The following ECHS1 variants were observed in gnomAD, a reference collection of about 807,000 sequenced individuals.
The protein encoded by ECHS1 is enoyl-CoA hydratase, short chain 1.
A neutral mutation model predicts 33.5 loss-of-function variants in ECHS1; 19 were observed. The ratio of observed to expected loss-of-function variants is 0.57; its 90% confidence interval spans 0.40 to 0.83. The LOEUF is 0.83. Among genes scored for constraint, ECHS1 ranks in the 40% least tolerant of loss-of-function variants. The probability of loss-of-function intolerance (pLI) is 0.00; values close to 1 mark genes in which losing one functional copy is unlikely to be tolerated. For synonymous variants in ECHS1, 158 were observed against 146.6 expected (o/e 1.08, Z -0.56); for missense variants, 365 against 381.3 (o/e 0.96, Z 0.36).
intron 7 of ECHS1, 143 bp from the exon 8 acceptor site, chr10:133,363,076 G>C (rs1457869109): frequency 2.3e-6 from 2 of 881,762 alleles, no homozygotes; most frequent in Non-Finnish European, 3.6e-6. Context: ...TCAGCGGCAG[G>C]AACACCTGCC....
At chr10:133,366,119 G>A (rs570498776) in intron 5 of ECHS1, 24 bp from the exon 6 acceptor site, 56 of 1,610,066 alleles carry the variant, frequency 3.5e-5, no homozygotes, top group Non-Finnish European at 4.8e-5. Flanking sequence ...AAGTCAGTGA[G>A]TGATGTGCAG....
chr10:133,367,540 G>GGA (rs1482336898), intron 4 of ECHS1, among the ~76,000 whole-genome samples: 2 of 151,632 alleles, frequency 1.3e-5, no homozygotes, highest in East Asian at 3.9e-4. Flanking sequence ...CCAGTGTCTG[G>GGA]GAAGGCAACC....
chr10:133,362,745 A>T lies in ECHS1; in HGVS notation c.*123T>A. ...GAGGTCGGGCCACGACCACGCAGCA[A>T]TTGGAGAGGAACTGCACACCACGGA... On this transcript the variant is annotated 3_prime_UTR_variant, in exon 8 of 8. Transcript: ENST00000368547. The T allele has an allele frequency of 8.8e-7, 1 of 1,136,390 alleles. No homozygotes were observed. Among genetic ancestry groups the T allele is most frequent in the Non-Finnish European group, 1.3e-6 (1 of 754,250 alleles). 70.4% of individuals were successfully genotyped at this position (1,136,390 alleles called of 1,614,324 possible).
chr10:133,366,485 C>T (rs1014450736), intron 5 of ECHS1, among the ~76,000 whole-genome samples: 3 of 152,266 alleles, frequency 2.0e-5, no homozygotes, highest in African/African-American at 2.4e-5. Flanking sequence ...GGTTCACTTC[C>T]GTACATACAG....
intron 4 of ECHS1, 52 bp downstream of exon 4, chr10:133,368,871 A>G (rs1484391126): frequency 1.9e-6 from 3 of 1,555,776 alleles, no homozygotes; most frequent in African/African-American, 2.7e-5. Context: ...ACACAGGCAG[A>G]TTTTGAGTAA....
At chr10:133,363,143 G>A (rs948512338) in intron 7 of ECHS1, among the ~76,000 whole-genome samples, 1 of 152,212 alleles carries the variant, frequency 6.6e-6, no homozygotes, top group South Asian at 2.1e-4. Flanking sequence ...ACCAGTCTAG[G>A]TGACGGTCAT....
At position 133,370,556 on chromosome 10, in the gene ECHS1, G is replaced by T. The variant is rs181328051; in HGVS notation, c.286+4C>A. Reference sequence around the variant, plus strand: ...GACACAAAGGCCTCTGCTGCCGCGCGTACCTGCAAAGGCCTTATCCCCGCC... The same window carrying T: ...GACACAAAGGCCTCTGCTGCCGCGCTTACCTGCAAAGGCCTTATCCCCGCC... On this transcript the variant is annotated splice_donor_region_variant and intron_variant, in intron 2 of 7. Coordinates refer to ENST00000368547, the MANE Select transcript of ECHS1 (RefSeq NM_004092.4). The T allele has an allele frequency of 8.4e-6, 13 of 1,556,602 alleles. No individual in the cohort carries two copies. The highest frequency in any genetic ancestry group is 1.1e-5 in the Non-Finnish European group (13 of 1,150,448).
intron 5 of ECHS1, among the ~76,000 whole-genome samples, 184 bp from the exon 6 acceptor site, chr10:133,366,279 T>C (rs1282408994): frequency 6.6e-6 from 1 of 152,248 alleles, no homozygotes; most frequent in Non-Finnish European, 1.5e-5. Context: ...ATCTCGGCAC[T>C]GCGGTCACTG....
At chr10:133,369,368 G>A (rs1027674025) in intron 3 of ECHS1, among the ~76,000 whole-genome samples, 1 of 29,144 alleles carries the variant, frequency 3.4e-5, no homozygotes, top group Non-Finnish European at 1.3e-4. Context: ...TGGCTTACAC[G>A]GCAGGGAGTG....
chr10:133,369,838 T>C (rs1379404251), intron 3 of ECHS1, 66 bp downstream of exon 3: 5 of 1,569,786 alleles, frequency 3.2e-6, no homozygotes, highest in Admixed American at 1.9e-5. Context: ...AAATCTGTTA[T>C]GCTGTGTATG....
chr10:133,363,959 T>G (rs1312704681), intron 7 of ECHS1, among the ~76,000 whole-genome samples: 14 of 152,228 alleles, frequency 9.2e-5, no homozygotes, highest in African/African-American at 3.4e-4. Flanking sequence ...TTACATTTTT[T>G]TTTTCAGACA....
rs529320482 is a variant in ECHS1, at chr10:133,370,144, T to G, written c.287-113A>C. ...GCACACCAGACACAGGCAGTGGGGT[T>G]GCTGGGCACGGCTGACACCAGGCCA... On this transcript the variant is annotated intron_variant, in intron 2 of 7. Coordinates refer to ENST00000368547, the MANE Select transcript of ECHS1 (RefSeq NM_004092.4). 53 of 1,457,966 alleles carry G rather than the reference T, an allele frequency of 3.6e-5. No homozygotes were observed. In the Middle Eastern group the frequency reaches 9.2e-4, roughly 25 times the overall value. 90.3% of individuals were successfully genotyped at this position (1,457,966 alleles called of 1,614,324 possible). A position where few individuals can be genotyped will look rare whatever the true frequency, so the allele number is the denominator to read the frequency against.
intron 4 of ECHS1, among the ~76,000 whole-genome samples, chr10:133,368,330 G>A (rs185176986): frequency 1.5e-4 from 23 of 152,296 alleles, no homozygotes; most frequent in African/African-American, 4.6e-4. Flanking sequence ...CACAGCTCCA[G>A]GCCTCAGAAT....
chr10:133,367,057 G>A (rs1849044403), intron 4 of ECHS1, 64 bp from the exon 5 acceptor site: 1 of 1,366,420 alleles, frequency 7.3e-7, no homozygotes, highest in East Asian at 2.4e-5. Flanking sequence ...CATCACAGCT[G>A]TGCAGCCAGC....
chr10:133,369,332 C>G (rs1441277919), intron 3 of ECHS1, among the ~76,000 whole-genome samples: 1 of 151,856 alleles, frequency 6.6e-6, no homozygotes, highest in African/African-American at 2.4e-5. Context: ...TGTGGCTGTG[C>G]CGGGAAAACT....
At chr10:133,372,578 G>A (rs1430518090) in intron 1 of ECHS1, among the ~76,000 whole-genome samples, 2 of 152,088 alleles carry the variant, frequency 1.3e-5, no homozygotes, top group South Asian at 2.1e-4. Context: ...CCCACCCTGC[G>A]CCCAGTTGGC....
Position 133,370,757 on chromosome 10 carries a change from C to T in ECHS1, c.89G>A (p.Gly30Asp), listed in dbSNP as rs1187850077. 1.9e-6 allele frequency: 3 copies of T among 1,607,760 alleles called. No individual in the cohort carries two copies. Among genetic ancestry groups the T allele is most frequent in the Admixed American group, 1.7e-5 (1 of 58,896 alleles). The change falls in exon 2 of 8, where the codon GGT (glycine) becomes GAT (aspartate). Residue 30 changes from glycine to aspartate, a missense_variant and splice_region_variant. Coordinates refer to ENST00000368547, the MANE Select transcript of ECHS1 (RefSeq NM_004092.4). ...TGCGATGATGTACTCAAAGTTAGCA[C>T]CTGGAGCAAGAAGGCAAAAAGGGGT... is the stretch of plus-strand genomic sequence containing the variant. ...RCPAWRPFAS[G>D]ANFEYIIAEK...
In ECHS1 at chr10:133,373,107, G is replaced by A. The variant is rs1472057766; in HGVS notation, c.88+139C>T. The A allele has an allele frequency of 2.2e-5, 13 of 602,616 alleles. No homozygotes were observed. The South Asian group carries it at 2.8e-4, about 13-fold the overall frequency. The allele number at this position is 602,616 out of a possible 1,614,324, so 37.3% of individuals were successfully genotyped here. ...GGGGTCAGGTGAGGGTGCGGGGTCA[G>A]GCGGAAGAGGGGTGTGGGTTGGGGT... On this transcript the variant is annotated intron_variant, in intron 1 of 7. Coordinates refer to ENST00000368547, the MANE Select transcript of ECHS1 (RefSeq NM_004092.4).
At chr10:133,364,900 C>T (rs1355548052) in intron 6 of ECHS1, among the ~76,000 whole-genome samples, 175 bp from the exon 7 acceptor site, 1 of 152,198 alleles carries the variant, frequency 6.6e-6, no homozygotes, top group Non-Finnish European at 1.5e-5. Flanking sequence ...CAGCGGAGAC[C>T]TGGCAGAACC....
Sources: gnomAD v4.1 joint callset for allele counts (sites outside exome capture counted in the v4.1 genomes callset) on GRCh38, gnomAD v4.1.1 for gene constraint, MANE v1.5 for transcripts, NCBI Gene and HGNC (gene_info 2026-07-23, HGNC 2026-07-21) for gene names.